Variants in ROCK1 observed in about 807,000 individuals in gnomAD.
The protein encoded by ROCK1 is rho-associated protein kinase 1.
A neutral mutation model predicts 196.8 loss-of-function variants in ROCK1; 36 were observed. The observed-to-expected ratio is 0.18, with a 90% CI of 0.14 to 0.24. ROCK1 has a LOEUF of 0.24. ROCK1 is among the 10% of genes least tolerant of loss of function. The pLI, the probability that ROCK1 is intolerant of heterozygous loss-of-function variation, is 1.00. For synonymous variants in ROCK1, 443 were observed against 515.9 expected (o/e 0.86, Z 1.91); for missense variants, 920 against 1,562.0 (o/e 0.59, Z 6.93).
chr18:21,053,053 AG>A (rs1215703533), intron 2 of ROCK1, among the ~76,000 whole-genome samples: 3 of 152,222 alleles, frequency 2.0e-5, no homozygotes, highest in Non-Finnish European at 4.4e-5. Context: ...ACAAGAGTCA[AG>A]GAAAACAACT....
intron 9 of ROCK1, 139 bp downstream of exon 9, chr18:21,039,333 G>A: frequency 1.6e-6 from 1 of 638,822 alleles, no homozygotes; most frequent in East Asian, 2.7e-5. Context: ...AAATTAATAG[G>A]TTAGGACAAT....
rs1198358725 is a variant in ROCK1 at position 21,045,223 on chromosome 18, G to C, written c.590+69C>G. 27 of 1,366,668 alleles carry C rather than the reference G, an allele frequency of 2.0e-5. No individual in the cohort carries two copies. The East Asian group carries it at 6.1e-4, about 31-fold the overall frequency. The allele number at this position is 1,366,668 out of a possible 1,614,324, so 84.7% of individuals were successfully genotyped here. On this transcript the variant is annotated intron_variant, in intron 5 of 32. Coordinates refer to ENST00000399799, the MANE Select transcript of ROCK1 (RefSeq NM_005406.3). The stretch of plus-strand genomic sequence containing the variant: ...AGAAGAATGGGTGAACTGAGAGTAA[G>C]AAATGTTAAAGTTATTTTTAGCTAT...
rs77894089 is a variant in ROCK1 at position 21,089,655 on chromosome 18, T to C, written c.94-19042A>G. On this transcript the variant is annotated intron_variant, in intron 1 of 32. Coordinates refer to ENST00000399799, the MANE Select transcript of ROCK1 (RefSeq NM_005406.3). Reference sequence around the variant, plus strand: ...AATCTGCTAACATCATAGATTAGTGTAGCCTACCTTAAACATGTTCAGAAC... The same window carrying C: ...AATCTGCTAACATCATAGATTAGTGCAGCCTACCTTAAACATGTTCAGAAC... 9.5e-3 allele frequency among the ~76,000 whole-genome samples: 1,443 copies of C among 152,344 alleles called. 15 individuals are homozygous for C. The highest frequency in any genetic ancestry group is 0.014 in the Non-Finnish European group (936 of 68,034).
At chr18:20,957,280 A>C in intron 29 of ROCK1, among the ~76,000 whole-genome samples, 1 of 152,268 alleles carries the variant, frequency 6.6e-6, no homozygotes, top group Non-Finnish European at 1.5e-5. Flanking sequence ...ATGGATAAAC[A>C]AATTCATGCA....
chr18:21,006,748 C>T lies in ROCK1; in HGVS notation c.1589G>A (p.Ser530Asn). The T allele has an allele frequency of 6.2e-7, 1 of 1,606,636 alleles. No homozygotes were observed. Among genetic ancestry groups the T allele is most frequent in the African/African-American group, 1.3e-5 (1 of 74,564 alleles). ...CTCATTAGCAAGCTGTGAATTCTGA[C>T]TGACTTTCTTTAAGTCTTCCAACTG... ...KDQLEDLKKVSQNSQLANEKL... is the reference protein window; with the variant it reads ...KDQLEDLKKVNQNSQLANEKL... The change falls in exon 15 of 33, where the codon AGT (serine) becomes AAT (asparagine). Residue 530 changes from serine to asparagine, a missense_variant. By Grantham distance (46) the Ser-to-Asn change is conservative. Around this residue, in one of 6 missense-constraint regions of ROCK1, gnomAD observed 520 missense variants for 657.1 expected, o/e 0.79. Transcript: ENST00000399799.
Position 21,095,749 on chromosome 18 carries a change from T to C in ROCK1, c.93+15069A>G, listed in dbSNP as rs374640792. Among the ~76,000 whole-genome samples, 14 of 150,886 alleles carry C rather than the reference T, an allele frequency of 9.3e-5. No homozygotes were observed. The East Asian group carries it at 2.5e-3, about 27-fold the overall frequency. On this transcript the variant is annotated intron_variant, in intron 1 of 32. Coordinates refer to ENST00000399799, the MANE Select transcript of ROCK1 (RefSeq NM_005406.3). ...GGTACAAGAAAAAAAAAAAACTAGC[T>C]AGAAAAAATGAATAAGATCTAGTAT...
Position 20,979,903 on chromosome 18 carries a change from G to A in ROCK1, c.2654+7C>T, listed in dbSNP as rs1237703439. 1.3e-6 allele frequency: 2 copies of A among 1,527,346 alleles called. No individual in the cohort carries two copies. The highest frequency in any genetic ancestry group is 1.8e-6 in the Non-Finnish European group (2 of 1,136,268). The allele number at this position is 1,527,346 out of a possible 1,614,324, so 94.6% of individuals were successfully genotyped here. A position where few individuals can be genotyped will look rare whatever the true frequency, so the allele number is the denominator to read the frequency against. On this transcript the variant is annotated splice_region_variant and intron_variant, in intron 22 of 32. Transcript: ENST00000399799. Reference sequence around the variant, plus strand: ...CTGATTCTTGTTCTAAAGTAAAATGGACATACTTTTCATTTTGTAGTTCCT... The same window carrying A: ...CTGATTCTTGTTCTAAAGTAAAATGAACATACTTTTCATTTTGTAGTTCCT...
intron 9 of ROCK1, among the ~76,000 whole-genome samples, chr18:21,029,977 G>C (rs1017611926): frequency 3.9e-5 from 6 of 152,002 alleles, no homozygotes; most frequent in African/African-American, 1.5e-4. Flanking sequence ...GGGTATTTCA[G>C]GCAAGAAATA....
chr18:21,008,617 TTACC>T (rs1255995763), intron 13 of ROCK1, among the ~76,000 whole-genome samples: 1 of 152,226 alleles, frequency 6.6e-6, no homozygotes, highest in African/African-American at 2.4e-5. Context: ...CCTTTCTGAG[TTACC>T]ACTATCAGTA....
chr18:21,027,546 T>G (rs2035969413), intron 10 of ROCK1, among the ~76,000 whole-genome samples: 1 of 152,152 alleles, frequency 6.6e-6, no homozygotes, highest in African/African-American at 2.4e-5. Flanking sequence ...AAAGCCCTCT[T>G]CTAAGTGCTG....
rs1315600089 is a variant in ROCK1, at chr18:20,980,830, C to T, written c.2560-826G>A. ...ACTCAGGAGGCTGAGGCAGGAGAATCGCTTGAACCCAGGAGTGGGAGGTTG... is the reference window on the plus strand; with the variant it reads ...ACTCAGGAGGCTGAGGCAGGAGAATTGCTTGAACCCAGGAGTGGGAGGTTG... On this transcript the variant is annotated intron_variant, in intron 21 of 32. Transcript: ENST00000399799. Among the ~76,000 whole-genome samples, 12 of 149,714 alleles carry T rather than the reference C, an allele frequency of 8.0e-5. No individual in the cohort carries two copies. The South Asian group carries it at 2.3e-3, about 29-fold the overall frequency.
chr18:20,954,756 G>T, intron 31 of ROCK1, 27 bp downstream of exon 31: 1 of 1,553,788 alleles, frequency 6.4e-7, no homozygotes. Context: ...TTTGTTATAA[G>T]TTGTAACAAT....
intron 13 of ROCK1, among the ~76,000 whole-genome samples, chr18:21,012,693 T>G (rs1483113688): frequency 1.3e-5 from 2 of 152,206 alleles, no homozygotes; most frequent in East Asian, 3.8e-4. Flanking sequence ...TTTTGTCAAA[T>G]TTGTTGAATT....
chr18:21,060,839 C>CAA (rs930819259), intron 2 of ROCK1, among the ~76,000 whole-genome samples: 1,130 of 43,880 alleles, frequency 0.026, 41 homozygotes, highest in African/African-American at 0.071. Context: ...AACTCCATCT[C>CAA]AAAAAAAAAA....
chr18:21,063,969 A>G (rs1179567152), intron 2 of ROCK1, among the ~76,000 whole-genome samples: 13 of 152,210 alleles, frequency 8.5e-5, no homozygotes, highest in South Asian at 4.1e-4. Context: ...TGTTAATTCA[A>G]TAGGTGTAAA....
At chr18:20,987,218 C>A in intron 18 of ROCK1, 108 bp from the exon 19 acceptor site, 1 of 939,620 alleles carries the variant, frequency 1.1e-6, no homozygotes, top group Non-Finnish European at 1.6e-6. Context: ...TGTTTTTATT[C>A]TGGGACTTGA....
chr18:21,035,484 A>G (rs1324689010), intron 9 of ROCK1, among the ~76,000 whole-genome samples: 1 of 152,120 alleles, frequency 6.6e-6, no homozygotes, highest in Non-Finnish European at 1.5e-5. Context: ...ACACAGCAAG[A>G]CTCTGTCTCT....
intron 32 of ROCK1, among the ~76,000 whole-genome samples, chr18:20,951,764 T>C (rs921987041): frequency 3.9e-5 from 6 of 152,132 alleles, no homozygotes; most frequent in African/African-American, 1.2e-4. Flanking sequence ...TTACTGACAA[T>C]AGGGCATGAA....
At chr18:21,027,831 G>A (rs1343849724) in intron 10 of ROCK1, among the ~76,000 whole-genome samples, 1 of 129,330 alleles carries the variant, frequency 7.7e-6, no homozygotes, top group Non-Finnish European at 1.6e-5. Flanking sequence ...GCGCGATCTC[G>A]GCTCACTGCA....
Sources: gnomAD v4.1 joint callset for allele counts (sites outside exome capture counted in the v4.1 genomes callset) on GRCh38, gnomAD v4.1.1 for gene constraint, gnomAD v4.1.1 regional missense constraint, MANE v1.5 for transcripts, NCBI Gene and HGNC (gene_info 2026-07-23, HGNC 2026-07-21) for gene names.